The following SLC25A21 variants were observed in gnomAD, a reference collection of about 807,000 sequenced individuals.
The protein encoded by SLC25A21 is solute carrier family 25 member 21, also known as mitochondrial 2-oxodicarboxylate carrier.
A neutral mutation model predicts 43.8 loss-of-function variants in SLC25A21; 47 were observed. The observed-to-expected ratio is 1.07, with a 90% CI of 0.85 to 1.37. The LOEUF (loss-of-function observed/expected upper bound fraction) is 1.37. Among genes scored for constraint, SLC25A21 ranks in the 40% most tolerant of loss-of-function variants. The pLI, the probability that SLC25A21 is intolerant of heterozygous loss-of-function variation, is 0.00. For missense variants in SLC25A21, 352 were observed against 350.2 expected, an observed-to-expected ratio of 1.00 and a Z score of -0.04; for synonymous variants, 131 against 121.3, an observed-to-expected ratio of 1.08 and a Z score of -0.52.
At chr14:36,903,023 T>C (rs1891436515) in intron 1 of SLC25A21, among the ~76,000 whole-genome samples, 1 of 152,072 alleles carries the variant, frequency 6.6e-6, no homozygotes, top group African/African-American at 2.4e-5. Context: ...TGAGCTTCAG[T>C]TTTCTTCTTT....
At chr14:36,851,029 A>T (rs1270072779) in intron 2 of SLC25A21, among the ~76,000 whole-genome samples, 1 of 152,232 alleles carries the variant, frequency 6.6e-6, no homozygotes, top group Non-Finnish European at 1.5e-5. Context: ...GATACAATTC[A>T]AGATTTTAAA....
At chr14:36,754,071 T>C (rs542843919) in intron 3 of SLC25A21, among the ~76,000 whole-genome samples, 1 of 152,378 alleles carries the variant, frequency 6.6e-6, no homozygotes, top group South Asian at 2.1e-4. Context: ...GCTAATTTTA[T>C]GTATCAACTT....
intron 5 of SLC25A21, 47 bp from the exon 6 acceptor site, chr14:36,725,724 T>C (rs780096047): frequency 7.7e-7 from 1 of 1,295,962 alleles, no homozygotes; most frequent in South Asian, 1.6e-5. Context: ...TTATCATGTG[T>C]ATGGGGTTAA....
intron 1 of SLC25A21, among the ~76,000 whole-genome samples, chr14:36,899,842 T>A (rs1891352856): frequency 6.6e-6 from 1 of 152,226 alleles, no homozygotes; most frequent in African/African-American, 2.4e-5. Flanking sequence ...TTTAAAATGG[T>A]GTTTTCTGGG....
intron 1 of SLC25A21, among the ~76,000 whole-genome samples, chr14:37,048,217 C>T (rs570692931): frequency 1.3e-3 from 204 of 152,152 alleles, no homozygotes; most frequent in African/African-American, 4.9e-3. Flanking sequence ...GAAAAAATGC[C>T]GCCTCCTGAG....
intron 1 of SLC25A21, among the ~76,000 whole-genome samples, chr14:37,063,055 A>G (rs1166377778): frequency 2.6e-5 from 4 of 152,196 alleles, no homozygotes; most frequent in African/African-American, 4.8e-5. Flanking sequence ...ATGAGTGCCC[A>G]GCAAAGGGGG....
At chr14:36,766,409 C>T (rs1242467098) in intron 3 of SLC25A21, among the ~76,000 whole-genome samples, 5 of 152,050 alleles carry the variant, frequency 3.3e-5, no homozygotes, top group Admixed American at 3.3e-4. Flanking sequence ...GTACACATTC[C>T]CGTCAGACTG....
intron 1 of SLC25A21, among the ~76,000 whole-genome samples, chr14:36,953,284 A>G (rs1959237562): frequency 1.3e-5 from 2 of 152,234 alleles, no homozygotes; most frequent in Admixed American, 1.3e-4. Flanking sequence ...GCTAAATAAC[A>G]AAGCTCATAC....
chr14:36,824,314 T>G (rs555270274), intron 2 of SLC25A21, among the ~76,000 whole-genome samples: 1 of 152,256 alleles, frequency 6.6e-6, no homozygotes, highest in East Asian at 1.9e-4. Flanking sequence ...CTTATTCTTA[T>G]CATAGTTGAG....
chr14:36,875,303 G>A (rs1890487925), intron 1 of SLC25A21, among the ~76,000 whole-genome samples: 1 of 152,140 alleles, frequency 6.6e-6, no homozygotes, highest in African/African-American at 2.4e-5. Flanking sequence ...CTGGGTGGGA[G>A]TTATGGCTTC....
intron 1 of SLC25A21, among the ~76,000 whole-genome samples, chr14:37,018,348 T>C (rs1201345113): frequency 6.6e-6 from 1 of 152,024 alleles, no homozygotes; most frequent in East Asian, 1.9e-4. Context: ...CACCTGCTCA[T>C]TCAATAAACC....
chr14:36,699,008 T>C (rs1056115445), intron 7 of SLC25A21, among the ~76,000 whole-genome samples: 6 of 152,152 alleles, frequency 3.9e-5, no homozygotes, highest in African/African-American at 7.2e-5. Flanking sequence ...GCACTCTGAT[T>C]TTTAGAATTT....
intron 1 of SLC25A21, among the ~76,000 whole-genome samples, chr14:37,043,696 C>T (rs1185953627): frequency 6.6e-6 from 1 of 152,018 alleles, no homozygotes; most frequent in Admixed American, 6.6e-5. Context: ...CACTCATCAT[C>T]CTTTCTTTAT....
intron 1 of SLC25A21, among the ~76,000 whole-genome samples, chr14:36,917,720 AT>A (rs35454796): frequency 0.51 from 78,043 of 151,894 alleles, 21,734 homozygotes; most frequent in Non-Finnish European, 0.61. Context: ...CTAAGCAAAC[AT>A]TAATAAAATA....
intron 1 of SLC25A21, among the ~76,000 whole-genome samples, chr14:37,094,506 T>C (rs1342070536): frequency 1.3e-5 from 2 of 152,200 alleles, no homozygotes; most frequent in Non-Finnish European, 2.9e-5. Flanking sequence ...GAAGTATCTG[T>C]CAAAATGTAA....
At chr14:36,856,790 G>C (rs1207327688) in intron 2 of SLC25A21, among the ~76,000 whole-genome samples, 1 of 152,182 alleles carries the variant, frequency 6.6e-6, no homozygotes, top group Non-Finnish European at 1.5e-5. Flanking sequence ...GCATGAAGGA[G>C]ACAGATCTAT....
At chr14:36,813,896 G>T (rs768939792) in intron 3 of SLC25A21, 22 bp downstream of exon 3, 24 of 1,462,540 alleles carry the variant, frequency 1.6e-5, no homozygotes, top group Non-Finnish European at 9.5e-6. Flanking sequence ...TATTAAAATG[G>T]CTATATGAAG....
chr14:36,948,164 AT>A lies in SLC25A21; in HGVS notation c.71-73161del, dbSNP rs754271945. ...ACCATGTACACATTCCCTGACAAAT[AT>A]AACTAGAATTACTGCCTTATTTATG... is the stretch of plus-strand genomic sequence containing the variant. On this transcript the variant is annotated intron_variant, in intron 1 of 9. Transcript: ENST00000331299. 1.2e-4 allele frequency among the ~76,000 whole-genome samples: 18 copies of A among 152,314 alleles called. No homozygotes were observed. The East Asian group carries it at 1.7e-3, about 15-fold the overall frequency.
intron 1 of SLC25A21, among the ~76,000 whole-genome samples, chr14:37,168,020 G>A (rs549384089): frequency 1.3e-5 from 2 of 152,092 alleles, no homozygotes; most frequent in Admixed American, 6.6e-5. Context: ...TGATAAATCC[G>A]CTCGGTCTAG....
Sources: allele counts gnomAD v4.1 joint callset (sites outside exome capture counted in the v4.1 genomes callset), GRCh38; gene constraint gnomAD v4.1.1; transcripts MANE v1.5; gene names NCBI Gene and HGNC (gene_info 2026-07-23, HGNC 2026-07-21).